NALF1: variants seen among roughly 807,000 people sequenced by gnomAD.
NALF1 encodes family with sequence similarity 155 member A.
In NALF1, 3 loss-of-function variants were observed where a neutral mutation model predicts 48.4. The ratio of observed to expected loss-of-function variants is 0.06; its 90% CI spans 0.03 to 0.16. The LOEUF is 0.16. Ranked by LOEUF, NALF1 falls within the 10% of genes least tolerant of loss-of-function variation. The pLI, the probability that NALF1 is intolerant of heterozygous loss-of-function variation, is 1.00. For synonymous variants in NALF1, 262 were observed against 245.7 expected, an observed-to-expected ratio of 1.07 and a Z score of -0.62; for missense variants, 526 against 571.5, an observed-to-expected ratio of 0.92 and a Z score of 0.81.
intron 1 of NALF1, among the ~76,000 whole-genome samples, chr13:107,698,615 T>C (rs1373065053): frequency 6.6e-6 from 1 of 152,134 alleles, no homozygotes; most frequent in Admixed American, 6.6e-5. Flanking sequence ...ACTAAAATGT[T>C]CCCCAAGACA....
chr13:107,816,889 C>T (rs1309746514), intron 1 of NALF1, among the ~76,000 whole-genome samples: 1 of 152,170 alleles, frequency 6.6e-6, no homozygotes, highest in African/African-American at 2.4e-5. Flanking sequence ...CGTAGGTCTG[C>T]CAATCAAGCA....
intron 1 of NALF1, among the ~76,000 whole-genome samples, chr13:107,251,188 T>C (rs1036741284): frequency 2.0e-5 from 3 of 152,216 alleles, no homozygotes; most frequent in Non-Finnish European, 4.4e-5. Flanking sequence ...TTAGCTATGT[T>C]AATCAGAAAA....
intron 1 of NALF1, among the ~76,000 whole-genome samples, chr13:107,356,537 T>C (rs1017457620): frequency 2.6e-5 from 4 of 152,328 alleles, no homozygotes; most frequent in African/African-American, 7.2e-5. Context: ...ATTCTATCTA[T>C]ACGATTTTTC....
chr13:107,680,623 T>C (rs60400702), intron 1 of NALF1, among the ~76,000 whole-genome samples: 6 of 102,824 alleles, frequency 5.8e-5, no homozygotes, highest in Admixed American at 5.1e-4. Context: ...TGAGGGTGTA[T>C]GTTTGTGAGA....
intron 1 of NALF1, among the ~76,000 whole-genome samples, chr13:107,309,334 C>T (rs1882000195): frequency 1.3e-5 from 2 of 152,210 alleles, no homozygotes; most frequent in South Asian, 4.1e-4. Context: ...TTCTCTCTCA[C>T]ATTCACTGGC....
At chr13:107,764,008 T>C (rs1877350968) in intron 1 of NALF1, among the ~76,000 whole-genome samples, 1 of 152,140 alleles carries the variant, frequency 6.6e-6, no homozygotes, top group African/African-American at 2.4e-5. Context: ...TTTCTACTAA[T>C]GGCCGGCCTC....
At chr13:107,734,955 G>A (rs764158277) in intron 1 of NALF1, among the ~76,000 whole-genome samples, 3 of 152,098 alleles carry the variant, frequency 2.0e-5, no homozygotes, top group African/African-American at 4.8e-5. Context: ...TAAATTGGTG[G>A]CTAACCAGTG....
At chr13:107,419,799 A>T (rs1222527754) in intron 1 of NALF1, among the ~76,000 whole-genome samples, 2 of 152,204 alleles carry the variant, frequency 1.3e-5, no homozygotes, top group African/African-American at 2.4e-5. Context: ...AAATTGATAA[A>T]CTATTTCTCT....
intron 2 of NALF1, among the ~76,000 whole-genome samples, chr13:107,198,095 G>A (rs1879431158): frequency 6.6e-6 from 1 of 152,136 alleles, no homozygotes; most frequent in African/African-American, 2.4e-5. Flanking sequence ...CTAGTTTTGA[G>A]ATTTTCTTAC....
At chr13:107,486,128 C>G (rs1218443465) in intron 1 of NALF1, among the ~76,000 whole-genome samples, 1 of 152,150 alleles carries the variant, frequency 6.6e-6, no homozygotes, top group East Asian at 1.9e-4. Context: ...GAATCTAGTT[C>G]GGTTACAGGC....
intron 2 of NALF1, among the ~76,000 whole-genome samples, chr13:107,201,636 C>T (rs547814751): frequency 1.3e-5 from 2 of 152,224 alleles, no homozygotes; most frequent in African/African-American, 4.8e-5. Flanking sequence ...TACTATGCAG[C>T]GAGCAACAGG....
At chr13:107,367,799 G>T (rs549533114) in intron 1 of NALF1, among the ~76,000 whole-genome samples, 1 of 152,182 alleles carries the variant, frequency 6.6e-6, no homozygotes, top group South Asian at 2.1e-4. Context: ...CATTCAGACA[G>T]ACTAAAAATT....
intron 1 of NALF1, among the ~76,000 whole-genome samples, chr13:107,657,270 G>T (rs7333547): frequency 0.2 from 30,957 of 151,720 alleles, 3,278 homozygotes; most frequent in Middle Eastern, 0.37. Flanking sequence ...TGTGTATATA[G>T]AGAGAGAGAG....
intron 1 of NALF1, among the ~76,000 whole-genome samples, chr13:107,804,113 C>T (rs77139967): frequency 0.027 from 4,077 of 152,254 alleles, 76 homozygotes; most frequent in Non-Finnish European, 0.039. Flanking sequence ...ACATAAGCGT[C>T]CTTTCTAAAA....
intron 1 of NALF1, among the ~76,000 whole-genome samples, chr13:107,339,200 A>C (rs973535267): frequency 1.1e-4 from 17 of 151,950 alleles, no homozygotes; most frequent in Admixed American, 6.6e-4. Flanking sequence ...GCAATGAAAT[A>C]ACCTGAAACT....
chr13:107,555,265 AT>A (rs1278091086), intron 1 of NALF1, among the ~76,000 whole-genome samples: 1 of 131,090 alleles, frequency 7.6e-6, no homozygotes, highest in African/African-American at 3.5e-5. Flanking sequence ...TTTATTATTA[AT>A]TAATTAATTA....
chr13:107,485,649 T>C (rs1365253816), intron 1 of NALF1, among the ~76,000 whole-genome samples: 1 of 152,194 alleles, frequency 6.6e-6, no homozygotes, highest in Non-Finnish European at 1.5e-5. Flanking sequence ...AGAACGAAGT[T>C]TGCAGATCAT....
intron 1 of NALF1, among the ~76,000 whole-genome samples, chr13:107,420,951 A>G (rs1026369245): frequency 2.0e-5 from 3 of 152,088 alleles, no homozygotes; most frequent in African/African-American, 7.2e-5. Context: ...ACCTGTTGTT[A>G]TATCCCCATT....
intron 1 of NALF1, among the ~76,000 whole-genome samples, chr13:107,474,163 G>A (rs532696565): frequency 3.3e-5 from 5 of 152,096 alleles, no homozygotes; most frequent in Non-Finnish European, 7.3e-5. Context: ...GACAGTATAG[G>A]ATAACAACAG....
Sources: allele counts gnomAD v4.1 joint callset (sites outside exome capture counted in the v4.1 genomes callset), GRCh38; gene constraint gnomAD v4.1.1; transcripts MANE v1.5; gene names NCBI Gene and HGNC (gene_info 2026-07-23, HGNC 2026-07-21).